CADPS2: variants seen among roughly 807,000 people sequenced by gnomAD.
The protein encoded by CADPS2 is calcium dependent secretion activator 2.
A neutral mutation model predicts 172.5 loss-of-function variants in CADPS2; 93 were observed. The ratio of observed to expected loss-of-function variants is 0.54; its 90% CI spans 0.46 to 0.64. The LOEUF is 0.64. Ranked by LOEUF, CADPS2 falls within the 30% of genes least tolerant of loss-of-function variation. The pLI is 0.00. For synonymous variants in CADPS2, 546 were observed against 555.2 expected (o/e 0.98, Z 0.23); for missense variants, 1,420 against 1,565.9 (o/e 0.91, Z 1.57).
intron 9 of CADPS2, 106 bp downstream of exon 9, chr7:122,513,143 A>G (rs2060122208): frequency 4.1e-6 from 3 of 734,400 alleles, no homozygotes; most frequent in East Asian, 2.7e-5. Flanking sequence ...TGGCTTAAAC[A>G]TATTTTAATT....
chr7:122,583,805 C>T (rs1563773672), intron 6 of CADPS2, among the ~76,000 whole-genome samples: 2 of 150,996 alleles, frequency 1.3e-5, no homozygotes, highest in East Asian at 2.0e-4. Context: ...ATATACATCA[C>T]ATCATATACA....
At chr7:122,469,512 C>A (rs2055617499) in intron 14 of CADPS2, among the ~76,000 whole-genome samples, 2 of 152,174 alleles carry the variant, frequency 1.3e-5, no homozygotes, top group South Asian at 2.1e-4. Flanking sequence ...CCCTGTACCC[C>A]CCCATTTTCT....
intron 9 of CADPS2, among the ~76,000 whole-genome samples, chr7:122,507,678 A>G (rs955019208): frequency 9.9e-5 from 15 of 152,232 alleles, no homozygotes; most frequent in African/African-American, 3.1e-4. Context: ...TATGCTTTAA[A>G]TAGATTATCC....
intron 1 of CADPS2, among the ~76,000 whole-genome samples, chr7:122,785,876 C>T (rs1793915834): frequency 6.6e-6 from 1 of 152,190 alleles, no homozygotes; most frequent in Admixed American, 6.5e-5. Context: ...TCCCGAAAGC[C>T]CACACAGCAC....
Position 122,835,007 on chromosome 7 carries a change from C to T in CADPS2, c.339+50992G>A, listed in dbSNP as rs537231107. 1.9e-4 allele frequency among the ~76,000 whole-genome samples: 29 copies of T among 152,214 alleles called. No individual in the cohort carries two copies. The East Asian group carries it at 5.0e-3, about 26-fold the overall frequency. ...CCTCCTCAAGTGGGTCCCTGACGCC[C>T]GAGTAGCCTAATGGGGAGGCACCCC... On this transcript the variant is annotated intron_variant, in intron 1 of 29. Transcript: ENST00000449022.
Position 122,631,758 on chromosome 7 carries a change from T to C in CADPS2, c.787-2430A>G, listed in dbSNP as rs1249557317. Among the ~76,000 whole-genome samples, 6 of 151,980 alleles carry C rather than the reference T, an allele frequency of 3.9e-5. No individual in the cohort carries two copies. The East Asian group carries it at 1.2e-3, about 29-fold the overall frequency. On this transcript the variant is annotated intron_variant, in intron 3 of 29. Transcript: ENST00000449022. Reference sequence around the variant, plus strand: ...AGGATGGTTTCATGGGTATATTACATGTTGTTGAGGTTGAGGTTGGGGATA... The same window carrying C: ...AGGATGGTTTCATGGGTATATTACACGTTGTTGAGGTTGAGGTTGGGGATA...
chr7:122,475,197 T>A (rs1291589921), intron 12 of CADPS2, among the ~76,000 whole-genome samples: 1 of 152,206 alleles, frequency 6.6e-6, no homozygotes, highest in Non-Finnish European at 1.5e-5. Flanking sequence ...GGCAAGCTTT[T>A]ATGATTGCTT....
At chr7:122,522,491 A>G (rs2060884772) in intron 8 of CADPS2, among the ~76,000 whole-genome samples, 1 of 152,190 alleles carries the variant, frequency 6.6e-6, no homozygotes, top group Admixed American at 6.5e-5. Flanking sequence ...TGATACATGC[A>G]TAAAATGTGT....
intron 1 of CADPS2, among the ~76,000 whole-genome samples, chr7:122,804,687 T>C (rs1798406744): frequency 6.6e-6 from 1 of 152,194 alleles, no homozygotes; most frequent in South Asian, 2.1e-4. Context: ...CAGGACCCAA[T>C]GCATCATAAA....
At chr7:122,771,954 G>C (rs925303454) in intron 1 of CADPS2, among the ~76,000 whole-genome samples, 1 of 152,272 alleles carries the variant, frequency 6.6e-6, no homozygotes, top group Non-Finnish European at 1.5e-5. Context: ...AATCAGGTAG[G>C]GGGACAACTT....
At chr7:122,626,624 G>A (rs1399517194) in intron 4 of CADPS2, among the ~76,000 whole-genome samples, 1 of 152,100 alleles carries the variant, frequency 6.6e-6, no homozygotes. Context: ...TACACGGCAT[G>A]TTTACTCCTT....
intron 29 of CADPS2, among the ~76,000 whole-genome samples, chr7:122,322,400 A>T (rs3757541): frequency 1.3e-5 from 2 of 152,002 alleles, no homozygotes; most frequent in East Asian, 3.9e-4. Flanking sequence ...GTTGGGTGAG[A>T]TACTAGGCAG....
intron 1 of CADPS2, among the ~76,000 whole-genome samples, chr7:122,789,842 G>C (rs1794869793): frequency 6.6e-6 from 1 of 152,082 alleles, no homozygotes; most frequent in Non-Finnish European, 1.5e-5. Context: ...GAGAGATGAA[G>C]AGCTAGTTTC....
chr7:122,698,993 A>G (rs1335704324), intron 2 of CADPS2: 1 of 1,099,642 alleles, frequency 9.1e-7, no homozygotes, highest in African/African-American at 1.6e-5. Flanking sequence ...AAAATAACGA[A>G]GAGAAAAAAA....
intron 28 of CADPS2, among the ~76,000 whole-genome samples, chr7:122,327,334 G>A (rs1325895961): frequency 2.0e-5 from 3 of 151,988 alleles, no homozygotes; most frequent in Admixed American, 2.0e-4. Flanking sequence ...AGTCAATTGA[G>A]GCCCTTCTAC....
intron 24 of CADPS2, among the ~76,000 whole-genome samples, chr7:122,381,140 A>G (rs1017013670): frequency 6.6e-6 from 1 of 152,086 alleles, no homozygotes; most frequent in African/African-American, 2.4e-5. Flanking sequence ...CTTACAAAAA[A>G]GGCCCCCCAG....
intron 7 of CADPS2, among the ~76,000 whole-genome samples, chr7:122,562,554 T>G (rs1276111590): frequency 6.6e-6 from 1 of 152,158 alleles, no homozygotes; most frequent in Non-Finnish European, 1.5e-5. Flanking sequence ...TTCAGAACTA[T>G]AAGATAACAA....
At chr7:122,441,024 C>T (rs896665420) in intron 16 of CADPS2, among the ~76,000 whole-genome samples, 1 of 151,450 alleles carries the variant, frequency 6.6e-6, no homozygotes, top group African/African-American at 2.4e-5. Context: ...TATGTGAATT[C>T]ATTTAAGGTA....
chr7:122,570,820 G>T (rs549751952), intron 7 of CADPS2, among the ~76,000 whole-genome samples: 3 of 152,064 alleles, frequency 2.0e-5, no homozygotes, highest in Non-Finnish European at 4.4e-5. Flanking sequence ...ATTCATAGAT[G>T]GGAATTGAAC....
Sources: allele counts gnomAD v4.1 joint callset (sites outside exome capture counted in the v4.1 genomes callset), GRCh38; gene constraint gnomAD v4.1.1; transcripts MANE v1.5; gene names NCBI Gene and HGNC (gene_info 2026-07-23, HGNC 2026-07-21).